The following CRYBG1 variants were observed in gnomAD, a reference collection of about 807,000 sequenced individuals.
CRYBG1 encodes the protein beta/gamma crystallin domain-containing protein 1.
Under a neutral mutation model 189.2 loss-of-function variants are expected in CRYBG1, and 139 were observed. That is an observed-to-expected ratio of 0.73 (90% CI 0.64 to 0.85). The LOEUF (loss-of-function observed/expected upper bound fraction) is 0.85, where lower values mean the gene tolerates loss of function less well. CRYBG1 is among the 40% of genes least tolerant of loss of function. The probability of loss-of-function intolerance (pLI) is 0.00; values close to 1 mark genes in which losing one functional copy is unlikely to be tolerated. For missense variants in CRYBG1, 2,611 were observed against 2,675.8 expected, an observed-to-expected ratio of 0.98 and a Z score of 0.53; for synonymous variants, 1,023 against 1,017.1, an observed-to-expected ratio of 1.01 and a Z score of -0.11.
chr6:106,376,665 T>C (rs960283604), intron 1 of CRYBG1, among the ~76,000 whole-genome samples: 11 of 152,162 alleles, frequency 7.2e-5, no homozygotes, highest in African/African-American at 2.7e-4. Flanking sequence ...CTTCCTGCCA[T>C]TGGGAGCCCT....
Position 106,457,623 on chromosome 6 carries a change from G to A in CRYBG1, c.312+5791G>A, listed in dbSNP as rs114689985. On this transcript the variant is annotated intron_variant, in intron 2 of 21. Coordinates refer to ENST00000633556, the MANE Select transcript of CRYBG1 (RefSeq NM_001371242.2). ...TGGGATGTCATTTTAAATGACTTGT[G>A]CCATCTGGTGTGATTAGAGATTGCT... 2.5e-3 allele frequency among the ~76,000 whole-genome samples: 387 copies of A among 152,294 alleles called. 2 individuals carry two copies. The highest frequency in any genetic ancestry group is 8.7e-3 in the African/African-American group (363 of 41,562).
intron 10 of CRYBG1, among the ~76,000 whole-genome samples, chr6:106,542,417 G>A (rs1351928229): frequency 1.3e-5 from 2 of 150,040 alleles, no homozygotes; most frequent in Non-Finnish European, 3.0e-5. Flanking sequence ...TGAATAGCTG[G>A]GACTATAGGC....
intron 2 of CRYBG1, among the ~76,000 whole-genome samples, chr6:106,488,449 C>T (rs768367087): frequency 1.3e-5 from 2 of 152,214 alleles, no homozygotes; most frequent in Non-Finnish European, 2.9e-5. Flanking sequence ...AAATGTCCAA[C>T]AGTTGTGCAC....
intron 8 of CRYBG1, among the ~76,000 whole-genome samples, chr6:106,537,454 G>A (rs1774030181): frequency 1.3e-5 from 2 of 152,246 alleles, no homozygotes; most frequent in African/African-American, 4.8e-5. Context: ...TACATGTAAC[G>A]TATCCTTGGC....
At chr6:106,561,307 C>T (rs746146414) in intron 19 of CRYBG1, 35 bp from the exon 20 acceptor site, 2 of 1,605,208 alleles carry the variant, frequency 1.2e-6, no homozygotes, top group South Asian at 2.2e-5. Context: ...AGCAGCACAT[C>T]TGGTATAACA....
At chr6:106,526,966 A>C (rs1335941288) in intron 6 of CRYBG1, among the ~76,000 whole-genome samples, 1 of 140,976 alleles carries the variant, frequency 7.1e-6, no homozygotes, top group Non-Finnish European at 1.6e-5. Flanking sequence ...AAAAGAGACA[A>C]AAAAAAAAAA....
chr6:106,422,344 A>ATTTATTTAT (rs57640822), intron 1 of CRYBG1, among the ~76,000 whole-genome samples: 14,675 of 139,840 alleles, frequency 0.1, 897 homozygotes, highest in East Asian at 0.15. Flanking sequence ...TTATTTATTT[A>ATTTATTTAT]TTTTTGAGAC....
At chr6:106,447,570 A>ATATATATATATATATATATATATATT (rs1554236449) in intron 1 of CRYBG1, among the ~76,000 whole-genome samples, 1 of 138,822 alleles carries the variant, frequency 7.2e-6, no homozygotes, top group African/African-American at 2.6e-5. Context: ...ATATATATAT[A>ATATATATATATATATATATATATATT]TATCTACTAT....
chr6:106,559,791 A>G (rs556213992), intron 18 of CRYBG1, among the ~76,000 whole-genome samples: 1 of 151,442 alleles, frequency 6.6e-6, no homozygotes, highest in East Asian at 1.9e-4. Context: ...CATCTAAAAA[A>G]GAAAATAAAA....
intron 8 of CRYBG1, among the ~76,000 whole-genome samples, chr6:106,533,182 G>A (rs966936594): frequency 3.9e-5 from 6 of 152,196 alleles, no homozygotes; most frequent in East Asian, 1.9e-4. Context: ...AGGAGGGACC[G>A]GCAGGAAGTG....
intron 16 of CRYBG1, among the ~76,000 whole-genome samples, chr6:106,554,799 G>A (rs896951604): frequency 5.3e-5 from 8 of 152,050 alleles, no homozygotes; most frequent in African/African-American, 1.9e-4. Context: ...AGGGACTTTG[G>A]TTCTCTGCTG....
intron 6 of CRYBG1, among the ~76,000 whole-genome samples, chr6:106,527,067 T>C (rs1203989050): frequency 6.6e-6 from 1 of 151,754 alleles, no homozygotes; most frequent in Admixed American, 6.6e-5. Context: ...CTCTATAGCA[T>C]TCATATAGGT....
intron 17 of CRYBG1, among the ~76,000 whole-genome samples, 194 bp from the exon 18 acceptor site, chr6:106,558,292 A>G (rs1774607917): frequency 6.6e-6 from 1 of 151,972 alleles, no homozygotes; most frequent in Admixed American, 6.6e-5. Context: ...TGCAATGGAG[A>G]AACTAACTGC....
intron 9 of CRYBG1, among the ~76,000 whole-genome samples, chr6:106,540,573 A>G (rs1774106197): frequency 6.6e-6 from 1 of 152,194 alleles, no homozygotes; most frequent in African/African-American, 2.4e-5. Context: ...GCAGTTTGTA[A>G]TGATGATGAA....
At chr6:106,447,736 A>G (rs1771694508) in intron 1 of CRYBG1, among the ~76,000 whole-genome samples, 1 of 152,016 alleles carries the variant, frequency 6.6e-6, no homozygotes, top group Non-Finnish European at 1.5e-5. Context: ...AGAGGTAACC[A>G]TTATTCGGAA....
Position 106,512,121 on chromosome 6 carries a change from C to A in CRYBG1, c.1004C>A (p.Pro335His), listed in dbSNP as rs577843560. ...GGGCCCCGCAACGCCCGCAGCCAGC[C>A]CCCCAAGGGCGCGTCTGATTTGCCA... ...SLGPRNARSQPPKGASDLPGE... is the reference protein window; with the variant it reads ...SLGPRNARSQHPKGASDLPGE... The change falls in exon 3 of 22, where the codon CCC becomes CAC. Residue 335 changes from proline to histidine, a missense_variant. Physicochemically the swap from Pro to His is moderately conservative, Grantham distance 77. Around this residue, in one of 3 missense-constraint regions of CRYBG1, gnomAD observed 985 missense variants for 924.4 expected, o/e 1.07. Transcript: ENST00000633556. The A allele has an allele frequency of 3.3e-6, 5 of 1,534,286 alleles. No individual in the cohort carries two copies. The highest frequency in any genetic ancestry group is 4.4e-6 in the Non-Finnish European group (5 of 1,146,034).
intron 16 of CRYBG1, 51 bp downstream of exon 16, chr6:106,553,618 T>C (rs750453808): frequency 3.2e-6 from 4 of 1,236,148 alleles, no homozygotes; most frequent in Non-Finnish European, 4.8e-6. Context: ...TAAAACAGAA[T>C]TCACACATCA....
chr6:106,376,312 C>T (rs749982844), intron 1 of CRYBG1, among the ~76,000 whole-genome samples: 9 of 152,208 alleles, frequency 5.9e-5, no homozygotes, highest in Non-Finnish European at 1.2e-4. Flanking sequence ...ACTCATTTCC[C>T]TCTGTGTAAA....
At chr6:106,465,785 A>C (rs73511010) in intron 2 of CRYBG1, among the ~76,000 whole-genome samples, 4,056 of 152,244 alleles carry the variant, frequency 0.027, 191 homozygotes, top group African/African-American at 0.093. Flanking sequence ...CTGCCCTCTC[A>C]AATACAGGTC....
Sources: allele counts gnomAD v4.1 joint callset (sites outside exome capture counted in the v4.1 genomes callset), GRCh38; gene constraint gnomAD v4.1.1; regional missense constraint gnomAD v4.1.1; transcripts MANE v1.5; gene names NCBI Gene and HGNC (gene_info 2026-07-23, HGNC 2026-07-21).